ETV7: variants seen among roughly 807,000 people sequenced by gnomAD.
ETV7 encodes transcription factor ETV7.
Under a neutral mutation model 39.1 loss-of-function variants are expected in ETV7, and 43 were observed. The ratio of observed to expected loss-of-function variants is 1.10; its 90% CI spans 0.86 to 1.42. The LOEUF is 1.42. Among genes scored for constraint, ETV7 ranks in the 40% most tolerant of loss-of-function variants. The pLI, the probability that ETV7 is intolerant of heterozygous loss-of-function variation, is 0.00. For synonymous variants in ETV7, 196 were observed against 176.6 expected, an observed-to-expected ratio of 1.11 and a Z score of -0.87; for missense variants, 432 against 442.3, an observed-to-expected ratio of 0.98 and a Z score of 0.21.
intron 3 of ETV7, 27 bp from the exon 4 acceptor site, chr6:36,373,605 G>C: frequency 6.6e-7 from 1 of 1,523,772 alleles, no homozygotes; most frequent in Non-Finnish European, 8.8e-7. Context: ...GGGAGGGCAG[G>C]CTGCTGAACA....
At chr6:36,371,646 T>A in intron 4 of ETV7, 86 bp from the exon 5 acceptor site, 1 of 1,199,330 alleles carries the variant, frequency 8.3e-7, no homozygotes, top group Non-Finnish European at 1.2e-6. Flanking sequence ...CTGGGAGCCC[T>A]GTGGGGCAGC....
At chr6:36,376,483 A>G (rs1773355042) in intron 2 of ETV7, among the ~76,000 whole-genome samples, 2 of 152,212 alleles carry the variant, frequency 1.3e-5, no homozygotes, top group African/African-American at 2.4e-5. Flanking sequence ...AACCCAATGA[A>G]AGGGGTGTTA....
intron 5 of ETV7, among the ~76,000 whole-genome samples, chr6:36,370,126 CA>C (rs1163144780): frequency 1.3e-5 from 2 of 152,154 alleles, no homozygotes; most frequent in African/African-American, 4.8e-5. Flanking sequence ...ACCCAAAAGC[CA>C]GGCTTCTGCC....
chr6:36,359,922 G>A (rs1029426776), intron 7 of ETV7, among the ~76,000 whole-genome samples: 5 of 151,348 alleles, frequency 3.3e-5, no homozygotes, highest in African/African-American at 9.7e-5. Context: ...TTTTGAGACC[G>A]AGTCTCACTC....
chr6:36,354,881 T>C (rs1772298297), intron 7 of ETV7, among the ~76,000 whole-genome samples: 1 of 152,256 alleles, frequency 6.6e-6, no homozygotes, highest in Non-Finnish European at 1.5e-5. Flanking sequence ...AGTTTATTTG[T>C]GTTTTATTCT....
At chr6:36,378,551 T>C (rs1317433092) in intron 2 of ETV7, among the ~76,000 whole-genome samples, 1 of 150,848 alleles carries the variant, frequency 6.6e-6, no homozygotes, top group East Asian at 1.9e-4. Context: ...CAGGGAAATA[T>C]TTGCAATGCA....
chr6:36,354,200 T>G (rs1271266320), exon 8 of ETV7: 1 of 12,122 alleles, frequency 8.2e-5, no homozygotes, highest in Non-Finnish European at 1.2e-4. Flanking sequence ...TCCTATGGGT[T>G]TTTTTTTTTT....
At chr6:36,361,294 G>A (rs1461175155), downstream of ETV7, among the ~76,000 whole-genome samples, 1 of 152,176 alleles carries the variant, frequency 6.6e-6, no homozygotes, top group East Asian at 1.9e-4. Flanking sequence ...CCCTGACACC[G>A]GCATTCAACA....
At chr6:36,357,601 G>A (rs944264212) in intron 7 of ETV7, among the ~76,000 whole-genome samples, 19 of 152,080 alleles carry the variant, frequency 1.2e-4, no homozygotes, top group Non-Finnish European at 2.2e-4. Context: ...CCCCGGCCAC[G>A]TGCGCTGGCT....
intron 7 of ETV7, among the ~76,000 whole-genome samples, chr6:36,356,824 G>C (rs1772355005): frequency 6.6e-6 from 1 of 152,248 alleles, no homozygotes; most frequent in Non-Finnish European, 1.5e-5. Flanking sequence ...TTCACAGCCA[G>C]TCTCTCCTAA....
chr6:36,385,702 G>A (rs1339641158), intron 1 of ETV7, 33 bp from the exon 2 acceptor site: 1 of 1,567,410 alleles, frequency 6.4e-7, no homozygotes, highest in East Asian at 2.2e-5. Flanking sequence ...AGTCAAAGAA[G>A]AGCATCTTGG....
intron 7 of ETV7, among the ~76,000 whole-genome samples, chr6:36,357,728 A>C (rs114010346): frequency 1.9e-3 from 283 of 152,112 alleles, no homozygotes; most frequent in Middle Eastern, 6.8e-3. Context: ...AATATAAAAA[A>C]TTAGCCAAGT....
chr6:36,369,852 G>A (rs1772920040), intron 5 of ETV7, among the ~76,000 whole-genome samples: 1 of 151,820 alleles, frequency 6.6e-6, no homozygotes, highest in Non-Finnish European at 1.5e-5. Flanking sequence ...GCAGCAGTGA[G>A]CTATGGTGGC....
Position 36,369,907 on chromosome 6 carries a change from A to G in ETV7, c.665-836T>C, listed in dbSNP as rs552829780. On this transcript the variant is annotated intron_variant, in intron 5 of 7. Transcript: ENST00000340181. ...GCAACAGAGTGAGACCCTGTCTCTT[A>G]AAAAAAAAAAAACCCAGTAATTGTG... Among the ~76,000 whole-genome samples, 84 of 67,974 alleles carry G rather than the reference A, an allele frequency of 1.2e-3. 1 individual carries two copies. In the East Asian group the frequency reaches 0.022, roughly 18 times the overall value. The allele number at this position is 67,974 out of a possible 152,430, so 44.6% of individuals were successfully genotyped here.
In ETV7 at chr6:36,371,487, G is replaced by C; in HGVS notation, c.507C>G (p.Ser169Arg). 6.2e-7 allele frequency: 1 copy of C among 1,605,400 alleles called. No individual in the cohort carries two copies. The highest frequency in any genetic ancestry group is 8.5e-7 in the Non-Finnish European group (1 of 1,175,988). The change falls in exon 5 of 8, where the codon AGC (serine) becomes AGG (arginine). Residue 169 changes from serine to arginine, a missense_variant. Physicochemically the swap from Ser to Arg is moderately radical, Grantham distance 110 (BLOSUM62 -1). Transcript: ENST00000340181. ...LLQPPDPGLTSNFGHLDDPGL... is the reference protein window; with the variant it reads ...LLQPPDPGLTRNFGHLDDPGL... The stretch of plus-strand genomic sequence containing the variant: ...CAGGGTCATCCAGGTGGCCGAAGTT[G>C]CTGGTAAGCCCTGGGTCTGGTGGCT...
At chr6:36,363,185 C>T (rs934115730), downstream of ETV7, among the ~76,000 whole-genome samples, 7 of 152,310 alleles carry the variant, frequency 4.6e-5, no homozygotes, top group African/African-American at 7.2e-5. Flanking sequence ...AGAATGAAGC[C>T]GCGGACCCTC....
chr6:36,376,641 T>C (rs1469518472), intron 2 of ETV7, among the ~76,000 whole-genome samples: 1 of 152,020 alleles, frequency 6.6e-6, no homozygotes. Flanking sequence ...CTGGGCATGG[T>C]GGCATGCACC....
At chr6:36,382,603 T>C (rs74610396) in intron 2 of ETV7, among the ~76,000 whole-genome samples, 2,251 of 152,292 alleles carry the variant, frequency 0.015, 50 homozygotes, top group African/African-American at 0.05. Context: ...AGGAACTCTC[T>C]CACATGTGAA....
At chr6:36,371,629 G>T in intron 4 of ETV7, 69 bp from the exon 5 acceptor site, 1 of 1,336,560 alleles carries the variant, frequency 7.5e-7, no homozygotes, top group South Asian at 1.3e-5. Context: ...ATCCCTCAAT[G>T]GTGAGCCTGG....
Sources: gnomAD v4.1 joint callset for allele counts (sites outside exome capture counted in the v4.1 genomes callset) on GRCh38, gnomAD v4.1.1 for gene constraint, MANE v1.5 for transcripts, NCBI Gene and HGNC (gene_info 2026-07-23, HGNC 2026-07-21) for gene names.